Variants in NLN observed in about 807,000 individuals in gnomAD.
The protein encoded by NLN is neurolysin, also known as neurolysin, mitochondrial.
A neutral mutation model predicts 79.9 loss-of-function variants in NLN; 64 were observed. The observed-to-expected ratio is 0.80, with a 90% CI of 0.65 to 0.99. The LOEUF (loss-of-function observed/expected upper bound fraction) is 0.99. Ranked by LOEUF, NLN falls within the 50% of genes least tolerant of loss-of-function variation. The pLI is 0.00. For synonymous variants in NLN, 267 were observed against 296.6 expected, an observed-to-expected ratio of 0.90 and a Z score of 1.02; for missense variants, 835 against 858.7, an observed-to-expected ratio of 0.97 and a Z score of 0.34.
chr5:65,792,018 C>G (rs1361522347), intron 8 of NLN, among the ~76,000 whole-genome samples: 4 of 152,132 alleles, frequency 2.6e-5, no homozygotes, highest in Non-Finnish European at 5.9e-5. Context: ...AAAGGAAAAA[C>G]CTTATCGTCA....
intron 11 of NLN, among the ~76,000 whole-genome samples, chr5:65,810,643 T>C (rs990113627): frequency 6.6e-6 from 1 of 152,206 alleles, no homozygotes; most frequent in Non-Finnish European, 1.5e-5. Flanking sequence ...AATGTACAAT[T>C]AAATTATTAT....
rs769482596 is a variant in NLN at position 65,762,991 on chromosome 5, T to C, written c.333T>C (p.His111=). The C allele has an allele frequency of 1.5e-5, 24 of 1,614,072 alleles. No individual in the cohort carries two copies. Among genetic ancestry groups the C allele is most frequent in the Non-Finnish European group, 2.0e-5 (24 of 1,179,954 alleles). Reference sequence around the variant, plus strand: ...GGACCATGCTAGACTTTCCCCAGCATGTATCCTCTGACAAAGAAGTACGAG... The same window carrying C: ...GGACCATGCTAGACTTTCCCCAGCACGTATCCTCTGACAAAGAAGTACGAG... ...VERTMLDFPQ[H]VSSDKEVRAA... is the part of the protein sequence containing the mutation. Residue 111 remains histidine (H), a synonymous_variant, in exon 3 of 13, where the codon CAT becomes CAC. Coordinates refer to ENST00000380985, the MANE Select transcript of NLN (RefSeq NM_020726.5).
At chr5:65,804,741 A>G (rs1838738) in intron 9 of NLN, among the ~76,000 whole-genome samples, 111,470 of 152,054 alleles carry the variant, frequency 0.73, 41,392 homozygotes, top group African/African-American at 0.84. Flanking sequence ...GTGTGGGCCA[A>G]GCTGATCTTG....
chr5:65,811,635 A>C (rs1185966367), intron 11 of NLN, among the ~76,000 whole-genome samples: 1 of 152,142 alleles, frequency 6.6e-6, no homozygotes, highest in Non-Finnish European at 1.5e-5. Context: ...CAGCCTGACC[A>C]AAGTGGTGAA....
intron 2 of NLN, among the ~76,000 whole-genome samples, chr5:65,760,232 A>G (rs545010088): frequency 1.6e-4 from 25 of 152,084 alleles, no homozygotes; most frequent in South Asian, 1.2e-3. Context: ...TTTGTTGGCT[A>G]TTTTCTCTTA....
intron 2 of NLN, 73 bp from the exon 3 acceptor site, chr5:65,762,887 G>C: frequency 1.5e-6 from 2 of 1,370,130 alleles, no homozygotes; most frequent in Non-Finnish European, 2.0e-6. Flanking sequence ...ATTCATCTGG[G>C]TATGAGGTAT....
intron 1 of NLN, chr5:65,722,666 C>T (rs1198994383): frequency 4.0e-6 from 2 of 502,860 alleles, no homozygotes; most frequent in East Asian, 7.2e-5. Flanking sequence ...CCGCAGTCAG[C>T]GAGGCTGGTC....
chr5:65,794,008 A>AAT (rs1760120173), intron 9 of NLN, among the ~76,000 whole-genome samples: 1 of 152,242 alleles, frequency 6.6e-6, no homozygotes, highest in Non-Finnish European at 1.5e-5. Flanking sequence ...GTCCTCACTG[A>AAT]ATATAAATAG....
intron 12 of NLN, among the ~76,000 whole-genome samples, chr5:65,817,862 CA>C (rs1261161822): frequency 1.3e-5 from 2 of 152,146 alleles, no homozygotes; most frequent in African/African-American, 4.8e-5. Context: ...GTGCTTGAAA[CA>C]GAATCTTAGG....
rs147386954 is a variant in NLN at position 65,823,788 on chromosome 5, A to G, written c.*873A>G. 7.6e-4 allele frequency: 115 copies of G among 152,300 alleles called. No individual in the cohort carries two copies. Among genetic ancestry groups the G allele is most frequent in the African/African-American group, 2.7e-3 (111 of 41,570 alleles). 9.4% of individuals were successfully genotyped at this position (152,300 alleles called of 1,614,324 possible). A position where few individuals can be genotyped will look rare whatever the true frequency, so the allele number is the denominator to read the frequency against. ...GCCTCTTTTACTTACCACGTCCCCA[A>G]AAGTGTCAGGTAGACATGTCACAAA... On this transcript the variant is annotated 3_prime_UTR_variant, in exon 13 of 13. Coordinates refer to ENST00000380985, the MANE Select transcript of NLN (RefSeq NM_020726.5).
intron 1 of NLN, among the ~76,000 whole-genome samples, chr5:65,737,988 C>T (rs1053845879): frequency 7.9e-5 from 12 of 151,966 alleles, no homozygotes; most frequent in African/African-American, 2.2e-4. Context: ...AAAATTAGGG[C>T]GTGGTAGCAT....
chr5:65,820,241 C>T (rs762740441), intron 12 of NLN, among the ~76,000 whole-genome samples: 9 of 152,130 alleles, frequency 5.9e-5, no homozygotes, highest in East Asian at 5.8e-4. Context: ...TTGTCAAATG[C>T]GTATGTCTTT....
At chr5:65,804,951 A>G (rs939327450) in intron 9 of NLN, among the ~76,000 whole-genome samples, 4 of 152,170 alleles carry the variant, frequency 2.6e-5, no homozygotes, top group African/African-American at 9.7e-5. Context: ...AATTTTTCCA[A>G]CAGAATGTGC....
intron 1 of NLN, among the ~76,000 whole-genome samples, chr5:65,748,272 G>A (rs1579920085): frequency 1.3e-5 from 2 of 152,264 alleles, no homozygotes; most frequent in Middle Eastern, 3.4e-3. Flanking sequence ...GTTAGAGTGA[G>A]AAAATAGAGG....
At position 65,828,340 on chromosome 5, in the gene NLN, T is replaced by G. The variant is rs539837897; in HGVS notation, c.*5425T>G. The G allele has an allele frequency of 9.0e-4, 137 of 152,330 alleles. No homozygotes were observed. Among genetic ancestry groups the G allele is most frequent in the African/African-American group, 3.2e-3 (132 of 41,576 alleles). 9.4% of individuals were successfully genotyped at this position (152,330 alleles called of 1,614,324 possible). A position where few individuals can be genotyped will look rare whatever the true frequency, so the allele number is the denominator to read the frequency against. On this transcript the variant is annotated 3_prime_UTR_variant, in exon 13 of 13. Transcript: ENST00000380985. ...TTGGAATATTGTGTTCCTTTCTAGA[T>G]ATCACATTTTAAGCAGACTTTGGCC...
At chr5:65,740,928 C>G (rs1758855022) in intron 1 of NLN, 2 of 147,898 alleles carry the variant, frequency 1.4e-5, no homozygotes, top group Non-Finnish European at 2.7e-5. Context: ...GGCTGGTGTG[C>G]AGTGGCGTGA....
chr5:65,822,384 T>A (rs962803219), intron 12 of NLN, among the ~76,000 whole-genome samples: 1 of 152,230 alleles, frequency 6.6e-6, no homozygotes, highest in Non-Finnish European at 1.5e-5. Context: ...ATGCTACTGT[T>A]TCTGAGTACC....
intron 9 of NLN, among the ~76,000 whole-genome samples, chr5:65,800,662 T>TTA (rs1561208346): frequency 1.7e-4 from 12 of 69,286 alleles, no homozygotes; most frequent in Non-Finnish European, 4.0e-4. Context: ...AAGAAAACTC[T>TTA]CTTATTTATT....
chr5:65,824,154 AC>A lies in NLN; in HGVS notation c.*1240del, dbSNP rs1167155320. ...CAGGATAATAAAATTTAAAAAAAAA[AC>A]AACTTTGAATTCCCCTGCCTAGGTC... is the stretch of plus-strand genomic sequence containing the variant. On this transcript the variant is annotated 3_prime_UTR_variant, in exon 13 of 13. Coordinates refer to ENST00000380985, the MANE Select transcript of NLN (RefSeq NM_020726.5). 1 of 152,114 alleles carries A rather than the reference AC, an allele frequency of 6.6e-6. No individual in the cohort carries two copies. Among genetic ancestry groups the A allele is most frequent in the African/African-American group, 2.4e-5 (1 of 41,424 alleles). The allele number at this position is 152,114 out of a possible 1,614,324, so 9.4% of individuals were successfully genotyped here.
Sources: allele counts gnomAD v4.1 joint callset (sites outside exome capture counted in the v4.1 genomes callset), GRCh38; gene constraint gnomAD v4.1.1; transcripts MANE v1.5; gene names NCBI Gene and HGNC (gene_info 2026-07-23, HGNC 2026-07-21).